The following CDKL2 variants were observed in gnomAD, a reference collection of about 807,000 sequenced individuals.
CDKL2 encodes cyclin dependent kinase like 2.
Under a neutral mutation model 63.9 loss-of-function variants are expected in CDKL2, and 64 were observed. That is an observed-to-expected ratio of 1.00 (90% CI 0.82 to 1.23). The LOEUF is 1.23. CDKL2 is among the 50% of genes most tolerant of loss of function. The pLI is 0.00. For synonymous variants in CDKL2, 211 were observed against 229.2 expected (o/e 0.92, Z 0.72); for missense variants, 656 against 668.0 (o/e 0.98, Z 0.20).
At chr4:75,605,264 A>G (rs547778387) in intron 5 of CDKL2, among the ~76,000 whole-genome samples, 1 of 152,144 alleles carries the variant, frequency 6.6e-6, no homozygotes, top group East Asian at 1.9e-4. Context: ...GAGGCAGGAG[A>G]ATCGCTTGAA....
At position 75,625,820 on chromosome 4, in the gene CDKL2, C is replaced by A. The variant is rs1476922062; in HGVS notation, c.168+1G>T. On this transcript the variant is annotated splice_donor_variant, in intron 2 of 13. Coordinates refer to ENST00000307465, the MANE Select transcript of CDKL2 (RefSeq NM_001330724.2). LOFTEE classifies it high-confidence loss of function. ...TTGATTCAATATATGCATTTACTCA[C>A]CTTTAGTAACTTGATTTCTCGCATT... 1 of 1,608,638 alleles carries A rather than the reference C, an allele frequency of 6.2e-7. No homozygotes were observed. The highest frequency in any genetic ancestry group is 8.5e-7 in the Non-Finnish European group (1 of 1,177,844).
chr4:75,616,330 A>T (rs1191243624), intron 2 of CDKL2, among the ~76,000 whole-genome samples: 1 of 151,818 alleles, frequency 6.6e-6, no homozygotes, highest in Admixed American at 6.6e-5. Context: ...AAAAAAGATT[A>T]CCAAGGAAAC....
intron 5 of CDKL2, among the ~76,000 whole-genome samples, chr4:75,605,227 C>G (rs1454012213): frequency 6.6e-6 from 1 of 152,040 alleles, no homozygotes; most frequent in Non-Finnish European, 1.5e-5. Context: ...GTGGCACATG[C>G]CTGTAATCCC....
At chr4:75,593,921 C>T (rs999671613) in intron 10 of CDKL2, among the ~76,000 whole-genome samples, 1 of 152,072 alleles carries the variant, frequency 6.6e-6, no homozygotes, top group African/African-American at 2.4e-5. Flanking sequence ...ACATCCATAC[C>T]TCCCTTTGTT....
Position 75,626,080 on chromosome 4 carries a change from C to A in CDKL2, c.-29-63G>T, listed in dbSNP as rs534338742. On this transcript the variant is annotated intron_variant, in intron 1 of 13. Coordinates refer to ENST00000307465, the MANE Select transcript of CDKL2 (RefSeq NM_001330724.2). Reference sequence around the variant, plus strand: ...ACGTTAATTTCCTCCGCCTTCCCAGCAAATTAATTCTTCCCTGCTTGTTTT... The same window carrying A: ...ACGTTAATTTCCTCCGCCTTCCCAGAAAATTAATTCTTCCCTGCTTGTTTT... 6 of 983,600 alleles carry A rather than the reference C, an allele frequency of 6.1e-6. No individual in the cohort carries two copies. The South Asian group carries it at 8.4e-5, about 14-fold the overall frequency. The allele number at this position is 983,600 out of a possible 1,614,324, so 60.9% of individuals were successfully genotyped here.
chr4:75,597,765 A>G (rs1729006975), intron 8 of CDKL2, among the ~76,000 whole-genome samples: 1 of 152,212 alleles, frequency 6.6e-6, no homozygotes, highest in Non-Finnish European at 1.5e-5. Context: ...TTTAAGAAAG[A>G]TAAGTGGGGT....
chr4:75,582,573 A>ATT (rs1434421587), intron 12 of CDKL2, among the ~76,000 whole-genome samples: 1 of 152,136 alleles, frequency 6.6e-6, no homozygotes, highest in Non-Finnish European at 1.5e-5. Context: ...CATACATATC[A>ATT]TTAGACTCTC....
intron 10 of CDKL2, among the ~76,000 whole-genome samples, chr4:75,595,246 G>C (rs1728864996): frequency 6.9e-6 from 1 of 145,264 alleles, no homozygotes; most frequent in Non-Finnish European, 1.5e-5. Context: ...CTGTCACCCA[G>C]GCTGAGGTGC....
At chr4:75,580,581 C>T (rs972988846) in intron 13 of CDKL2, among the ~76,000 whole-genome samples, 10 of 150,382 alleles carry the variant, frequency 6.6e-5, no homozygotes, top group African/African-American at 1.2e-4. Flanking sequence ...GTGGGAGGAT[C>T]GCTTCAGCCT....
At chr4:75,584,417 G>A (rs1056650854) in intron 12 of CDKL2, among the ~76,000 whole-genome samples, 4 of 152,152 alleles carry the variant, frequency 2.6e-5, no homozygotes, top group Admixed American at 6.5e-5. Context: ...CAACCCAAGT[G>A]AACCTGGAAA....
At chr4:75,595,832 G>C (rs1250506295) in intron 10 of CDKL2, among the ~76,000 whole-genome samples, 1 of 151,962 alleles carries the variant, frequency 6.6e-6, no homozygotes, top group African/African-American at 2.4e-5. Context: ...AGGAGGCTGA[G>C]GCAGGAGAAT....
chr4:75,616,301 C>A (rs996721989), intron 2 of CDKL2, among the ~76,000 whole-genome samples: 3 of 151,396 alleles, frequency 2.0e-5, no homozygotes, highest in Admixed American at 6.6e-5. Flanking sequence ...GTGAGACTCT[C>A]TTAAAAAATT....
At chr4:75,629,726 G>A (rs1400861415) in intron 1 of CDKL2, among the ~76,000 whole-genome samples, 2 of 152,070 alleles carry the variant, frequency 1.3e-5, no homozygotes. Context: ...GATCACCTGA[G>A]GTTGCGAGTT....
intron 9 of CDKL2, 51 bp downstream of exon 9, chr4:75,596,884 T>C (rs769035074): frequency 7.5e-6 from 11 of 1,467,408 alleles, no homozygotes; most frequent in Non-Finnish European, 1.0e-5. Context: ...CCCTTGCAAT[T>C]TGCAAATATG....
At chr4:75,611,653 CTTTT>C (rs1014442944) in intron 3 of CDKL2, among the ~76,000 whole-genome samples, 2 of 134,488 alleles carry the variant, frequency 1.5e-5, no homozygotes, top group African/African-American at 5.4e-5. Flanking sequence ...AGGGAACCAC[CTTTT>C]TTTTTTTTTT....
intron 12 of CDKL2, among the ~76,000 whole-genome samples, 165 bp from the exon 13 acceptor site, chr4:75,582,063 C>G (rs929178968): frequency 6.6e-6 from 1 of 152,170 alleles, no homozygotes; most frequent in Admixed American, 6.6e-5. Flanking sequence ...TTGTTCTTTT[C>G]CTTTTCTTTA....
At chr4:75,627,141 T>C (rs1730456968) in intron 1 of CDKL2, among the ~76,000 whole-genome samples, 1 of 150,760 alleles carries the variant, frequency 6.6e-6, no homozygotes. Flanking sequence ...AGGCGGAGGT[T>C]GCAGTGAGCC....
At chr4:75,581,159 T>C (rs1171789788) in intron 13 of CDKL2, among the ~76,000 whole-genome samples, 1 of 152,232 alleles carries the variant, frequency 6.6e-6, no homozygotes, top group African/African-American at 2.4e-5. Context: ...GGTAGTCCCA[T>C]AGATTATCAT....
chr4:75,607,093 T>A (rs779786312), intron 4 of CDKL2, 90 bp downstream of exon 4: 2 of 1,068,226 alleles, frequency 1.9e-6, no homozygotes, highest in Non-Finnish European at 2.7e-6. Context: ...CTTTCAGTAT[T>A]AGAGGGATCA....
Sources: gnomAD v4.1 joint callset for allele counts (sites outside exome capture counted in the v4.1 genomes callset) on GRCh38, gnomAD v4.1.1 for gene constraint, MANE v1.5 for transcripts, NCBI Gene and HGNC (gene_info 2026-07-23, HGNC 2026-07-21) for gene names.